SH3BGRL2: variants seen among roughly 807,000 people sequenced by gnomAD.
SH3BGRL2 encodes the protein SH3 domain-binding glutamic acid-rich-like protein 2.
Under a neutral mutation model 14.8 loss-of-function variants are expected in SH3BGRL2, and 21 were observed. That is an observed-to-expected ratio of 1.42 (90% CI 1.01 to 2.05). The LOEUF is 2.05. Ranked by LOEUF, SH3BGRL2 falls within the 30% of genes most tolerant of loss-of-function variation. The pLI is 0.00. For synonymous variants in SH3BGRL2, 50 were observed against 47.8 expected (o/e 1.05, Z -0.19); for missense variants, 147 against 130.8 (o/e 1.12, Z -0.61).
the SH3BGRL2 span, among the ~76,000 whole-genome samples, chr6:79,616,106 G>A: frequency 3.3e-5 from 5 of 152,000 alleles, no homozygotes; most frequent in East Asian, 1.9e-4. Context: ...ATGAGCCACC[G>A]CACCCGGCCT....
At chr6:79,595,196 A>G in the SH3BGRL2 span, among the ~76,000 whole-genome samples, 1 of 152,206 alleles carries the variant, frequency 6.6e-6, no homozygotes, top group Non-Finnish European at 1.5e-5. Flanking sequence ...TGAGTGAGGC[A>G]GGAGAATGGC....
chr6:79,671,027 C>T (rs1308432536), intron 1 of SH3BGRL2, among the ~76,000 whole-genome samples: 1 of 152,066 alleles, frequency 6.6e-6, no homozygotes, highest in Non-Finnish European at 1.5e-5. Context: ...GAGCACATTG[C>T]TTTTCTAAGT....
intron 1 of SH3BGRL2, 134 bp downstream of exon 1, chr6:79,631,640 C>A: frequency 3.8e-5 from 13 of 339,620 alleles, no homozygotes; most frequent in South Asian, 8.5e-5. Flanking sequence ...GCAGGTGATC[C>A]ATCACACTCC....
chr6:79,671,919 A>G (rs758780683), intron 1 of SH3BGRL2, among the ~76,000 whole-genome samples: 5 of 152,186 alleles, frequency 3.3e-5, no homozygotes, highest in Non-Finnish European at 5.9e-5. Flanking sequence ...ACTTCCTTCT[A>G]CGGATTAACT....
chr6:79,648,255 CATATATAT>C lies in SH3BGRL2; in HGVS notation c.45+16770_45+16777del, dbSNP rs60702112. Among the ~76,000 whole-genome samples, 179 of 62,450 alleles carry C rather than the reference CATATATAT, an allele frequency of 2.9e-3. 4 individuals are homozygous for C. The highest frequency in any genetic ancestry group is 8.1e-3 in the African/African-American group (128 of 15,870). 41.0% of individuals were successfully genotyped at this position (62,450 alleles called of 152,430 possible). ...ACATTTTCTCTCTCTATTCTTTTGG[CATATATAT>C]ATATATATATATATATATATTTGAC... On this transcript the variant is annotated intron_variant, in intron 1 of 3. Transcript: ENST00000369838.
At chr6:79,610,792 A>G in the SH3BGRL2 span, among the ~76,000 whole-genome samples, 1 of 152,188 alleles carries the variant, frequency 6.6e-6, no homozygotes, top group Non-Finnish European at 1.5e-5. Context: ...CATAACTTAC[A>G]TTGAACGTCC....
chr6:79,542,600 G>A, the SH3BGRL2 span, among the ~76,000 whole-genome samples: 1 of 152,104 alleles, frequency 6.6e-6, no homozygotes, highest in Admixed American at 6.5e-5. Flanking sequence ...CAGGAGCTAG[G>A]ACTCAACAAA....
intron 1 of SH3BGRL2, among the ~76,000 whole-genome samples, chr6:79,652,361 C>A (rs1372083420): frequency 6.6e-6 from 1 of 152,068 alleles, no homozygotes. Context: ...ATGAAAACTT[C>A]AGGTTTATAG....
upstream of SH3BGRL2, among the ~76,000 whole-genome samples, chr6:79,627,549 G>A (rs1226831468): frequency 1.3e-5 from 2 of 152,144 alleles, no homozygotes; most frequent in Admixed American, 6.5e-5. Flanking sequence ...TTTGCCAAAG[G>A]AGAGTCTCAT....
chr6:79,652,293 G>A (rs542836554), intron 1 of SH3BGRL2, among the ~76,000 whole-genome samples: 6 of 152,120 alleles, frequency 3.9e-5, no homozygotes, highest in African/African-American at 1.4e-4. Flanking sequence ...TGCCATTGAG[G>A]GTAATCATTT....
At chr6:79,645,614 T>C (rs1327055853) in intron 1 of SH3BGRL2, among the ~76,000 whole-genome samples, 1 of 152,214 alleles carries the variant, frequency 6.6e-6, no homozygotes, top group Non-Finnish European at 1.5e-5. Context: ...TTGGCATCTA[T>C]GTCTATCAAA....
the SH3BGRL2 span, among the ~76,000 whole-genome samples, chr6:79,590,741 G>C: frequency 6.6e-6 from 1 of 151,966 alleles, no homozygotes; most frequent in South Asian, 2.1e-4. Flanking sequence ...CAATACCTGG[G>C]TAATGGGATC....
chr6:79,673,878 C>T, intron 2 of SH3BGRL2, 79 bp downstream of exon 2: 1 of 1,426,470 alleles, frequency 7.0e-7, no homozygotes, highest in Non-Finnish European at 9.5e-7. Flanking sequence ...GTGGGTTTTT[C>T]CAGTGAAGAC....
At chr6:79,584,209 A>G in the SH3BGRL2 span, among the ~76,000 whole-genome samples, 62 of 152,230 alleles carry the variant, frequency 4.1e-4, no homozygotes, top group African/African-American at 1.2e-3. Flanking sequence ...TAAGCACCAT[A>G]TGACTTTTTA....
the SH3BGRL2 span, among the ~76,000 whole-genome samples, chr6:79,592,699 T>C: frequency 2.0e-5 from 3 of 152,216 alleles, no homozygotes; most frequent in Admixed American, 6.5e-5. Flanking sequence ...CAGGACCAGA[T>C]TGTGGGGACA....
At chr6:79,633,062 A>G (rs1254722464) in intron 1 of SH3BGRL2, among the ~76,000 whole-genome samples, 2 of 152,232 alleles carry the variant, frequency 1.3e-5, no homozygotes, top group Admixed American at 1.3e-4. Flanking sequence ...TAGGTAGTAT[A>G]TTGAGATAGT....
chr6:79,595,380 C>T, the SH3BGRL2 span, among the ~76,000 whole-genome samples: 9 of 151,976 alleles, frequency 5.9e-5, no homozygotes, highest in South Asian at 1.9e-3. Context: ...ATTGGCTACA[C>T]ATGTAACTGA....
At chr6:79,634,853 C>T (rs771137440) in intron 1 of SH3BGRL2, among the ~76,000 whole-genome samples, 13 of 152,270 alleles carry the variant, frequency 8.5e-5, no homozygotes, top group Non-Finnish European at 1.9e-4. Context: ...TGCCAGAAAT[C>T]ATAAAATATG....
the SH3BGRL2 span, among the ~76,000 whole-genome samples, chr6:79,551,782 G>A: frequency 6.6e-6 from 1 of 152,152 alleles, no homozygotes. Context: ...TTAGAATTAA[G>A]CCCTATATGT....
Sources: gnomAD v4.1 joint callset for allele counts (sites outside exome capture counted in the v4.1 genomes callset) on GRCh38, gnomAD v4.1.1 for gene constraint, MANE v1.5 for transcripts, NCBI Gene and HGNC (gene_info 2026-07-23, HGNC 2026-07-21) for gene names.